CC2D2A: variants seen among roughly 807,000 people sequenced by gnomAD.
CC2D2A encodes coiled-coil and C2 domain-containing protein 2A.
A neutral mutation model predicts 212.9 loss-of-function variants in CC2D2A; 155 were observed. The ratio of observed to expected loss-of-function variants is 0.73; its 90% CI spans 0.64 to 0.83. The LOEUF is 0.83. Ranked by LOEUF, CC2D2A falls within the 40% of genes least tolerant of loss-of-function variation. The pLI is 0.00. For synonymous variants in CC2D2A, 667 were observed against 686.5 expected (o/e 0.97, Z 0.44); for missense variants, 1,856 against 1,956.2 (o/e 0.95, Z 0.97).
At chr4:15,540,470 A>T (rs1231678281) in intron 16 of CC2D2A, among the ~76,000 whole-genome samples, 1 of 152,212 alleles carries the variant, frequency 6.6e-6, no homozygotes, top group Admixed American at 6.5e-5. Context: ...AAAACTTCTT[A>T]CTCAAATATA....
At chr4:15,584,283 T>C (rs747972315) in intron 30 of CC2D2A, among the ~76,000 whole-genome samples, 2 of 152,196 alleles carry the variant, frequency 1.3e-5, no homozygotes, top group Non-Finnish European at 2.9e-5. Context: ...TAAAACAGCA[T>C]GGCTGTGGTC....
chr4:15,565,606 T>G (rs182701775), intron 24 of CC2D2A, among the ~76,000 whole-genome samples: 4 of 150,474 alleles, frequency 2.7e-5, no homozygotes, highest in Non-Finnish European at 4.4e-5. Context: ...TTTTTGGGGG[T>G]TTTTAAATTT....
intron 20 of CC2D2A, 117 bp downstream of exon 20, chr4:15,555,327 A>T: frequency 1.6e-6 from 2 of 1,282,460 alleles, no homozygotes; most frequent in Admixed American, 2.4e-5. Flanking sequence ...GTTGAATGCC[A>T]AGTTTGAATT....
chr4:15,569,400 A>C lies in CC2D2A; in HGVS notation c.3495+11A>C. On this transcript the variant is annotated intron_variant, in intron 27 of 36. Coordinates refer to ENST00000424120, the MANE Select transcript of CC2D2A (RefSeq NM_001378615.1). ...CATGATGTCTTAGAGGTAAGTTCTC[A>C]GTTTTAAGAAAGACACTTGTATTCA... 6.8e-7 allele frequency: 1 copy of C among 1,471,456 alleles called. No individual in the cohort carries two copies. Among genetic ancestry groups the C allele is most frequent in the Non-Finnish European group, 9.3e-7 (1 of 1,070,262 alleles). The allele number at this position is 1,471,456 out of a possible 1,614,324, so 91.1% of individuals were successfully genotyped here. A position where few individuals can be genotyped will look rare whatever the true frequency, so the allele number is the denominator to read the frequency against.
chr4:15,559,181 T>C lies in CC2D2A; in HGVS notation c.2846T>C (p.Leu949Ser). The C allele has an allele frequency of 6.5e-7, 1 of 1,549,822 alleles. No homozygotes were observed. Among genetic ancestry groups the C allele is most frequent in the Non-Finnish European group, 8.7e-7 (1 of 1,146,400 alleles). Residue 949 changes from leucine (L) to serine (S), a missense_variant, in exon 22 of 37, where the codon TTA becomes TCA. By Grantham distance (145) the Leu-to-Ser change is moderately radical (BLOSUM62 -2). This residue lies in a region of CC2D2A where 1,512 missense variants were observed against 1,579.3 expected (regional missense o/e 0.96). Transcript: ENST00000424120. ...TAATTTTAGGACTATGAGAAACGGT[T>C]ACGAGACAGAAATGTAATAGAAACC... ...EKVFQDYEKR[L>S]RDRNVIETKE...
At chr4:15,580,192 A>G (rs777830776) in intron 30 of CC2D2A, 21 bp downstream of exon 30, 8 of 1,573,084 alleles carry the variant, frequency 5.1e-6, no homozygotes, top group Non-Finnish European at 7.0e-6. Context: ...CATAGTCAAT[A>G]AGTGCTGTGC....
Position 15,502,838 on chromosome 4 carries a change from C to T in CC2D2A, c.353C>T (p.Ala118Val). 3 of 1,610,314 alleles carry T rather than the reference C, an allele frequency of 1.9e-6. No individual in the cohort carries two copies. Among genetic ancestry groups the T allele is most frequent in the Middle Eastern group, 1.7e-4 (1 of 6,056 alleles). Residue 118 changes from alanine (A) to valine (V), a missense_variant, in exon 6 of 37, where the codon GCA (alanine) becomes GTA (valine). By Grantham distance (64) the Ala-to-Val change is moderately conservative. Around this residue, in one of 5 missense-constraint regions of CC2D2A, gnomAD observed 1,512 missense variants for 1,579.3 expected, o/e 0.96. Coordinates refer to ENST00000424120, the MANE Select transcript of CC2D2A (RefSeq NM_001378615.1). ...ACTTTTTAGTCCAAAGCAGAAAGTGCATTGCTGCAGGAAATCCCCACTCCT... is the reference window on the plus strand; with the variant it reads ...ACTTTTTAGTCCAAAGCAGAAAGTGTATTGCTGCAGGAAATCCCCACTCCT... ...LQAARSKAESALLQEIPTPRP... is the reference protein window; with the variant it reads ...LQAARSKAESVLLQEIPTPRP...
intron 23 of CC2D2A, among the ~76,000 whole-genome samples, chr4:15,561,893 C>G (rs190174524): frequency 1.1e-4 from 16 of 152,224 alleles, no homozygotes; most frequent in Admixed American, 1.0e-3. Flanking sequence ...GAGTTTGAAC[C>G]CCTGCTCTCC....
chr4:15,500,107 GTATATA>G (rs55743422), intron 4 of CC2D2A, among the ~76,000 whole-genome samples: 1,842 of 112,908 alleles, frequency 0.016, 26 homozygotes, highest in South Asian at 0.03. Context: ...GTGTGTGTGT[GTATATA>G]TATATATATA....
intron 18 of CC2D2A, 130 bp from the exon 19 acceptor site, chr4:15,553,028 G>T (rs1577370591): frequency 1.4e-6 from 1 of 707,666 alleles, no homozygotes. Flanking sequence ...ACACTGGCTT[G>T]AATCATGTGC....
chr4:15,524,658 A>T (rs1055555674), intron 11 of CC2D2A, among the ~76,000 whole-genome samples: 6 of 144,462 alleles, frequency 4.2e-5, no homozygotes, highest in South Asian at 4.4e-4. Context: ...TCACCGTGTT[A>T]GCCAGGATGG....
In CC2D2A at chr4:15,487,785, TAAAA is replaced by T. The variant is rs35503243; in HGVS notation, c.247+6962_247+6965del. Among the ~76,000 whole-genome samples, 351 of 129,940 alleles carry T rather than the reference TAAAA, an allele frequency of 2.7e-3. 2 individuals carry two copies. The highest frequency in any genetic ancestry group is 4.5e-3 in the Non-Finnish European group (262 of 57,762). The allele number at this position is 129,940 out of a possible 152,430, so 85.2% of individuals were successfully genotyped here. A position where few individuals can be genotyped will look rare whatever the true frequency, so the allele number is the denominator to read the frequency against. Reference sequence around the variant, plus strand: ...TAAGTGATTTTCTCCAGTAGTATGTTAAAAAAATTTTTTTTTTTGTACCTGTCAT... The same window carrying T: ...TAAGTGATTTTCTCCAGTAGTATGTTAAATTTTTTTTTTTGTACCTGTCAT... On this transcript the variant is annotated intron_variant, in intron 4 of 36. Coordinates refer to ENST00000424120, the MANE Select transcript of CC2D2A (RefSeq NM_001378615.1).
chr4:15,525,743 A>G (rs1025100660), intron 11 of CC2D2A, among the ~76,000 whole-genome samples: 1 of 152,204 alleles, frequency 6.6e-6, no homozygotes, highest in Non-Finnish European at 1.5e-5. Context: ...TAAGAAAGGG[A>G]ACAGATACAA....
intron 33 of CC2D2A, among the ~76,000 whole-genome samples, chr4:15,593,718 ATCCTACTGGT>A (rs1449562241): frequency 6.6e-6 from 1 of 152,042 alleles, no homozygotes; most frequent in East Asian, 1.9e-4. Flanking sequence ...TCCAAACCAA[ATCCTACTGGT>A]TCCACCTTCA....
At chr4:15,555,866 AG>A (rs1176247937) in intron 20 of CC2D2A, among the ~76,000 whole-genome samples, 1 of 152,208 alleles carries the variant, frequency 6.6e-6, no homozygotes, top group African/African-American at 2.4e-5. Flanking sequence ...CCTTCTCCAG[AG>A]AGGAAGCTGA....
intron 3 of CC2D2A, 49 bp from the exon 4 acceptor site, chr4:15,480,647 GGAACAGAC>G: frequency 6.4e-7 from 1 of 1,558,136 alleles, no homozygotes; most frequent in Non-Finnish European, 8.7e-7. Flanking sequence ...TCCCAAGAGA[GGAACAGAC>G]TCAAATAAAG....
intron 4 of CC2D2A, among the ~76,000 whole-genome samples, chr4:15,497,705 G>A (rs1488158271): frequency 6.6e-6 from 1 of 152,206 alleles, no homozygotes; most frequent in Non-Finnish European, 1.5e-5. Context: ...CTATAGGGGT[G>A]AAGTGGTACC....
At chr4:15,517,579 T>C (rs1367914634) in intron 11 of CC2D2A, among the ~76,000 whole-genome samples, 1 of 152,208 alleles carries the variant, frequency 6.6e-6, no homozygotes, top group Admixed American at 6.5e-5. Context: ...GCAGGCACGA[T>C]AGCAGTGTCT....
chr4:15,535,542 A>G (rs145082103), intron 14 of CC2D2A, among the ~76,000 whole-genome samples: 1 of 152,296 alleles, frequency 6.6e-6, no homozygotes, highest in African/African-American at 2.4e-5. Flanking sequence ...AAAAAAAACT[A>G]TTCAAGTTTA....
Sources: gnomAD v4.1 joint callset for allele counts (sites outside exome capture counted in the v4.1 genomes callset) on GRCh38, gnomAD v4.1.1 for gene constraint, gnomAD v4.1.1 regional missense constraint, MANE v1.5 for transcripts, NCBI Gene and HGNC (gene_info 2026-07-23, HGNC 2026-07-21) for gene names.